The following ITPKC variants were observed in gnomAD, a reference collection of about 807,000 sequenced individuals.
ITPKC encodes inositol-trisphosphate 3-kinase C, also known as IP3 3-kinase C.
Under a neutral mutation model 67.1 loss-of-function variants are expected in ITPKC, and 33 were observed. The observed-to-expected ratio is 0.49, with a 90% CI of 0.37 to 0.66. The LOEUF is 0.66. Among genes scored for constraint, ITPKC ranks in the 30% least tolerant of loss-of-function variants. ITPKC has a pLI of 0.00. For missense variants in ITPKC, 820 were observed against 892.1 expected (o/e 0.92, Z 1.03); for synonymous variants, 341 against 359.8 (o/e 0.95, Z 0.59).
chr19:40,728,637 A>C (rs2082256716), intron 2 of ITPKC, among the ~76,000 whole-genome samples: 1 of 152,218 alleles, frequency 6.6e-6, no homozygotes, highest in Non-Finnish European at 1.5e-5. Context: ...CAAAAATTAC[A>C]AAACAAATTA....
At chr19:40,729,944 CT>C (rs990155534) in intron 3 of ITPKC, among the ~76,000 whole-genome samples, 1 of 151,870 alleles carries the variant, frequency 6.6e-6, no homozygotes. Context: ...AATAGGATCC[CT>C]TTTTTTCCTC....
Position 40,740,197 on chromosome 19 carries a change from C to T in ITPKC, c.*637C>T, listed in dbSNP as rs2082318077. The stretch of plus-strand genomic sequence containing the variant: ...GGCGGTATCCTGCCCTGCTGTGGCC[C>T]TGTGGGATCCTCCGTGTTCCTCGGC... On this transcript the variant is annotated 3_prime_UTR_variant, in exon 7 of 7. Coordinates refer to ENST00000263370, the MANE Select transcript of ITPKC (RefSeq NM_025194.3). 1 of 153,044 alleles carries T rather than the reference C, an allele frequency of 6.5e-6. No homozygotes were observed. The highest frequency in any genetic ancestry group is 1.5e-5 in the Non-Finnish European group (1 of 68,494). 9.5% of individuals were successfully genotyped at this position (153,044 alleles called of 1,614,324 possible). A position where few individuals can be genotyped will look rare whatever the true frequency, so the allele number is the denominator to read the frequency against.
intron 4 of ITPKC, 86 bp from the exon 5 acceptor site, chr19:40,736,900 C>A (rs1388966570): frequency 7.2e-6 from 6 of 835,446 alleles, no homozygotes; most frequent in African/African-American, 1.7e-5. Flanking sequence ...CCGCGCCCGG[C>A]CTCCTGGGAG....
In ITPKC at chr19:40,740,848, C is replaced by T. The variant is rs557336202; in HGVS notation, c.*1288C>T. 198 of 397,150 alleles carry T rather than the reference C, an allele frequency of 5.0e-4. 2 individuals are homozygous for T. Among genetic ancestry groups the T allele is most frequent in the African/African-American group, 3.8e-3 (183 of 48,724 alleles). The allele number at this position is 397,150 out of a possible 1,614,324, so 24.6% of individuals were successfully genotyped here. A position where few individuals can be genotyped will look rare whatever the true frequency, so the allele number is the denominator to read the frequency against. On this transcript the variant is annotated 3_prime_UTR_variant, in exon 7 of 7. Coordinates refer to ENST00000263370, the MANE Select transcript of ITPKC (RefSeq NM_025194.3). ...CATGACAACACCCCAATAAACAGAA[C>T]ATTCAGAGCCAATGTCGTAGAGCTT...
chr19:40,737,607 C>G (rs1309578505), intron 5 of ITPKC, 91 bp from the exon 6 acceptor site: 1 of 1,134,716 alleles, frequency 8.8e-7, no homozygotes, highest in Non-Finnish European at 1.3e-6. Context: ...CCTGCCTGCT[C>G]CTTTGGGGGA....
intron 1 of ITPKC, 21 bp downstream of exon 1, chr19:40,718,311 C>T (rs1279466388): frequency 3.3e-6 from 5 of 1,496,150 alleles, no homozygotes; most frequent in South Asian, 1.4e-5. Context: ...CCCATCCTGC[C>T]CTTGAGCCAC....
chr19:40,733,249 G>A lies in ITPKC; in HGVS notation c.1559G>A (p.Gly520Glu). Residue 520 changes from glycine to glutamate, a missense_variant, in exon 4 of 7, where the codon GGG (glycine) becomes GAG (glutamate). Physicochemically the swap from Gly to Glu is moderately conservative, Grantham distance 98. Coordinates refer to ENST00000263370, the MANE Select transcript of ITPKC (RefSeq NM_025194.3). ...MYEKMVAVDPGAPTPEEHAQG... is the reference protein window; with the variant it reads ...MYEKMVAVDPEAPTPEEHAQG... ...GAGAAGATGGTGGCTGTGGACCCTGGGGCCCCTACCCCTGAGGAGCATGCC... is the reference window on the plus strand; with the variant it reads ...GAGAAGATGGTGGCTGTGGACCCTGAGGCCCCTACCCCTGAGGAGCATGCC... The A allele has an allele frequency of 1.9e-6, 3 of 1,614,196 alleles. No homozygotes were observed. The highest frequency in any genetic ancestry group is 2.5e-6 in the Non-Finnish European group (3 of 1,180,014).
intron 1 of ITPKC, among the ~76,000 whole-genome samples, chr19:40,721,243 A>T (rs2082220836): frequency 6.6e-6 from 1 of 152,106 alleles, no homozygotes. Flanking sequence ...GTGTGAGCCC[A>T]GAAGGAGGTC....
intron 5 of ITPKC, 34 bp downstream of exon 5, chr19:40,737,121 G>C: frequency 7.8e-7 from 1 of 1,286,302 alleles, no homozygotes. Context: ...GAATGTAGCA[G>C]CTTAAGACAG....
In ITPKC at chr19:40,739,276, T is replaced by A; in HGVS notation, c.1849-81T>A. 6.9e-6 allele frequency: 7 copies of A among 1,016,192 alleles called. No homozygotes were observed. The South Asian group carries it at 9.2e-5, about 13-fold the overall frequency. 62.9% of individuals were successfully genotyped at this position (1,016,192 alleles called of 1,614,324 possible). ...CAGGCTCCAGGGTTCATGCTGTCAA[T>A]CACCCTGCTCTGCTGCCTGTCAGGA... On this transcript the variant is annotated intron_variant, in intron 6 of 6. Transcript: ENST00000263370.
At chr19:40,725,735 G>C (rs1338429704) in intron 2 of ITPKC, among the ~76,000 whole-genome samples, 1 of 152,204 alleles carries the variant, frequency 6.6e-6, no homozygotes, top group Non-Finnish European at 1.5e-5. Context: ...CTGGGCCTCA[G>C]CTGCCCCATC....
At chr19:40,732,574 C>T (rs1301058252) in intron 3 of ITPKC, among the ~76,000 whole-genome samples, 1 of 148,360 alleles carries the variant, frequency 6.7e-6, no homozygotes, top group Non-Finnish European at 1.5e-5. Flanking sequence ...ATGAGAGTTA[C>T]CAGCCAGGAA....
chr19:40,727,019 A>G (rs2082249000), intron 2 of ITPKC, among the ~76,000 whole-genome samples: 2 of 152,044 alleles, frequency 1.3e-5, no homozygotes, highest in South Asian at 2.1e-4. Context: ...TCTAGCCTAG[A>G]TGACCGAGTG....
chr19:40,726,381 C>T (rs1314221285), intron 2 of ITPKC, among the ~76,000 whole-genome samples: 3 of 152,222 alleles, frequency 2.0e-5, no homozygotes, highest in Non-Finnish European at 4.4e-5. Flanking sequence ...CAAATGCCTG[C>T]AGCACAGAGT....
At chr19:40,730,152 G>T (rs1250417071) in intron 3 of ITPKC, among the ~76,000 whole-genome samples, 1 of 152,164 alleles carries the variant, frequency 6.6e-6, no homozygotes, top group Non-Finnish European at 1.5e-5. Flanking sequence ...GGCCAGGCTG[G>T]TCTGGAACTC....
chr19:40,718,346 C>T (rs1568447035), intron 1 of ITPKC, 56 bp downstream of exon 1: 1 of 1,475,912 alleles, frequency 6.8e-7, no homozygotes, highest in African/African-American at 1.4e-5. Context: ...CTTATTCCTC[C>T]GCCTTTGCTT....
intron 4 of ITPKC, among the ~76,000 whole-genome samples, chr19:40,733,998 C>T (rs1282031765): frequency 1.3e-5 from 2 of 152,192 alleles, no homozygotes; most frequent in African/African-American, 4.8e-5. Context: ...CTGCTGCTGT[C>T]CTTCCCATTC....
intron 6 of ITPKC, among the ~76,000 whole-genome samples, chr19:40,738,547 G>A (rs1286328297): frequency 6.6e-6 from 1 of 151,844 alleles, no homozygotes; most frequent in Non-Finnish European, 1.5e-5. Context: ...GTGAGACTCT[G>A]TCTCAAAAAA....
chr19:40,718,252 G>A lies in ITPKC; in HGVS notation c.1117G>A (p.Gly373Arg). Residue 373 changes from glycine (G) to arginine (R), a missense_variant, in exon 1 of 7, where the codon GGG becomes AGG. Gly to Arg is a moderately radical substitution (Grantham distance 125). Transcript: ENST00000263370. Reference protein sequence around the residue: ...FDESEDDVVAGGGGASDPEDR... With the variant: ...FDESEDDVVARGGGASDPEDR... ...CGAGTCTGAGGATGACGTGGTGGCC[G>A]GGGGCGGAGGTGCCAGCGATCCCGA... 3 of 1,520,856 alleles carry A rather than the reference G, an allele frequency of 2.0e-6. No individual in the cohort carries two copies. Among genetic ancestry groups the A allele is most frequent in the Non-Finnish European group, 2.6e-6 (3 of 1,139,814 alleles). The allele number at this position is 1,520,856 out of a possible 1,614,324, so 94.2% of individuals were successfully genotyped here.
Sources: gnomAD v4.1 joint callset for allele counts (sites outside exome capture counted in the v4.1 genomes callset) on GRCh38, gnomAD v4.1.1 for gene constraint, MANE v1.5 for transcripts, NCBI Gene and HGNC (gene_info 2026-07-23, HGNC 2026-07-21) for gene names.